Variants in PCDHGA6 observed in about 807,000 individuals in gnomAD.
PCDHGA6 encodes the protein protocadherin gamma-A6.
Under a neutral mutation model 60.6 loss-of-function variants are expected in PCDHGA6, and 41 were observed. That is an observed-to-expected ratio of 0.68 (90% confidence interval 0.53 to 0.88). The LOEUF (loss-of-function observed/expected upper bound fraction) is 0.88, where lower values mean the gene tolerates loss of function less well. Ranked by LOEUF, PCDHGA6 falls within the 40% of genes least tolerant of loss-of-function variation. PCDHGA6 has a pLI of 0.00. For missense variants in PCDHGA6, 1,312 were observed against 1,203.0 expected, an observed-to-expected ratio of 1.09 and a Z score of -1.34; for synonymous variants, 594 against 524.4, an observed-to-expected ratio of 1.13 and a Z score of -1.81.
intron 1 of PCDHGA6, chr5:141,418,463 C>A (rs1046926260): frequency 1.2e-6 from 2 of 1,613,826 alleles, no homozygotes; most frequent in Non-Finnish European, 1.7e-6. Context: ...GACTCTGGAC[C>A]GAGAAACGCA....
chr5:141,451,148 G>A (rs536843411), intron 1 of PCDHGA6, among the ~76,000 whole-genome samples: 2 of 152,154 alleles, frequency 1.3e-5, no homozygotes, highest in East Asian at 3.9e-4. Flanking sequence ...ATTTAGACTA[G>A]ACATTTTTTT....
At chr5:141,393,348 T>A in intron 1 of PCDHGA6, 1 of 1,613,848 alleles carries the variant, frequency 6.2e-7, no homozygotes, top group Non-Finnish European at 8.5e-7. Flanking sequence ...TCACCACTTC[T>A]CCCTGGACGT....
intron 1 of PCDHGA6, among the ~76,000 whole-genome samples, chr5:141,474,922 C>G (rs748864870): frequency 3.9e-5 from 6 of 152,238 alleles, no homozygotes; most frequent in Non-Finnish European, 8.8e-5. Flanking sequence ...CATCTCATCT[C>G]TGGCTTATAT....
chr5:141,390,111 G>C (rs2092051894), intron 1 of PCDHGA6: 5 of 1,614,054 alleles, frequency 3.1e-6, no homozygotes, highest in Non-Finnish European at 4.2e-6. Flanking sequence ...CAACTACAGC[G>C]AGGGGACTTT....
At chr5:141,389,671 C>T in intron 1 of PCDHGA6, 1 of 1,612,458 alleles carries the variant, frequency 6.2e-7, no homozygotes, top group Non-Finnish European at 8.5e-7. Flanking sequence ...GACGCAGACT[C>T]AGGACACAAC....
chr5:141,505,616 C>A, intron 3 of PCDHGA6, 135 bp downstream of exon 3: 1 of 1,503,160 alleles, frequency 6.7e-7, no homozygotes. Flanking sequence ...CTGAAAGGAC[C>A]CACAATTCCA....
rs944974638 is a variant in PCDHGA6, at chr5:141,393,886, A to C, written c.2424+17379A>C. 3.7e-6 allele frequency: 6 copies of C among 1,614,034 alleles called. No individual in the cohort carries two copies. In the East Asian group the frequency reaches 1.3e-4, roughly 36 times the overall value. On this transcript the variant is annotated intron_variant, in intron 1 of 3. Coordinates refer to ENST00000517434, the MANE Select transcript of PCDHGA6 (RefSeq NM_018919.3). ...ACGTCTTTGTTTAGCCCAGTGTTAG[A>C]AAATTCTCTTCCCGGGACAGTAATT...
intron 2 of PCDHGA6, among the ~76,000 whole-genome samples, chr5:141,495,700 T>A (rs2099763052): frequency 6.6e-6 from 1 of 152,228 alleles, no homozygotes; most frequent in Non-Finnish European, 1.5e-5. Flanking sequence ...GCTCAATAAA[T>A]GTGGAGTGAG....
At chr5:141,423,250 G>T in intron 1 of PCDHGA6, 1 of 1,613,954 alleles carries the variant, frequency 6.2e-7, no homozygotes, top group Non-Finnish European at 8.5e-7. Context: ...AGTCCTGGCG[G>T]ACCTCGGCAG....
chr5:141,421,446 A>G, intron 1 of PCDHGA6: 1 of 1,614,106 alleles, frequency 6.2e-7, no homozygotes, highest in Non-Finnish European at 8.5e-7. Flanking sequence ...GAGGGAAGAC[A>G]CAGCTTTTCG....
In PCDHGA6 at chr5:141,493,521, G is replaced by A. The variant is rs967636266; in HGVS notation, c.2425-1286G>A. Among the ~76,000 whole-genome samples the A allele has an allele frequency of 3.9e-5, 6 of 152,242 alleles. No homozygotes were observed. In the East Asian group the frequency reaches 7.7e-4, roughly 20 times the overall value. The stretch of plus-strand genomic sequence containing the variant: ...CTCATTTCTGAGCAGTCCCCGCAGC[G>A]CAAACTTGGCCAGTTATCCTTTTGG... On this transcript the variant is annotated intron_variant, in intron 1 of 3. Coordinates refer to ENST00000517434, the MANE Select transcript of PCDHGA6 (RefSeq NM_018919.3). This position sits in a 1 kb window ranked among gnomAD's most constrained non-coding sequence, Gnocchi z 4.3.
chr5:141,384,485 A>G (rs1410076707), intron 1 of PCDHGA6: 1 of 1,614,130 alleles, frequency 6.2e-7, no homozygotes, highest in Non-Finnish European at 8.5e-7. Context: ...AGAGAACTAC[A>G]ACTAAGAGTG....
At chr5:141,421,531 T>G (rs1318944446) in intron 1 of PCDHGA6, 1 of 1,613,904 alleles carries the variant, frequency 6.2e-7, no homozygotes, top group Non-Finnish European at 8.5e-7. Flanking sequence ...GACGGTGTCC[T>G]CCTGTTTTTT....
chr5:141,412,027 C>T (rs1360599996), intron 1 of PCDHGA6: 1 of 152,086 alleles, frequency 6.6e-6, no homozygotes, highest in Non-Finnish European at 1.5e-5. Context: ...ATCCTGTTCT[C>T]TGTGTGAAAG....
intron 2 of PCDHGA6, among the ~76,000 whole-genome samples, chr5:141,502,337 T>C (rs1562205634): frequency 6.6e-6 from 1 of 152,184 alleles, no homozygotes; most frequent in Admixed American, 6.5e-5. Flanking sequence ...CCCAGTCTTT[T>C]TATTTTTTTA....
At chr5:141,400,456 T>C (rs1439726103) in intron 1 of PCDHGA6, 2 of 1,614,090 alleles carry the variant, frequency 1.2e-6, no homozygotes, top group Non-Finnish European at 1.7e-6. Flanking sequence ...AGACATACTT[T>C]GTGGTGATTC....
At chr5:141,386,476 G>A (rs2090588767) in intron 1 of PCDHGA6, among the ~76,000 whole-genome samples, 1 of 151,552 alleles carries the variant, frequency 6.6e-6, no homozygotes, top group African/African-American at 2.4e-5. Flanking sequence ...AAGAATTGGA[G>A]GCCCACCTAG....
chr5:141,376,553 G>A (rs746063311), intron 1 of PCDHGA6, 46 bp downstream of exon 1: 3 of 1,610,808 alleles, frequency 1.9e-6, no homozygotes, highest in Admixed American at 1.7e-5. Context: ...TGATCTTCCC[G>A]CAACCCAACT....
At chr5:141,453,959 C>A (rs919037104) in intron 1 of PCDHGA6, among the ~76,000 whole-genome samples, 1 of 152,182 alleles carries the variant, frequency 6.6e-6, no homozygotes, top group African/African-American at 2.4e-5. Flanking sequence ...GCACAGACAG[C>A]AAAGCATGTA....
Sources: gnomAD v4.1 joint callset for allele counts (sites outside exome capture counted in the v4.1 genomes callset) on GRCh38, gnomAD v4.1.1 for gene constraint, Gnocchi (gnomAD v3.1) non-coding constraint, MANE v1.5 for transcripts, NCBI Gene and HGNC (gene_info 2026-07-23, HGNC 2026-07-21) for gene names.